The following NANOS1 variants were observed in gnomAD, a reference collection of about 807,000 sequenced individuals.
NANOS1 encodes nanos C2HC-type zinc finger 1, also known as nanos homolog 1.
A neutral mutation model predicts 1.1 loss-of-function variants in NANOS1; 1 was observed. The ratio of observed to expected loss-of-function variants is 0.88; its 90% CI spans 0.31 to 4.20. NANOS1 has a LOEUF of 4.20. NANOS1 is among the 30% of genes most tolerant of loss of function. The probability of loss-of-function intolerance (pLI) is 0.17; values close to 1 mark genes in which losing one functional copy is unlikely to be tolerated. For missense variants in NANOS1, 537 were observed against 457.9 expected, an observed-to-expected ratio of 1.17 and a Z score of -1.58; for synonymous variants, 252 against 230.6, an observed-to-expected ratio of 1.09 and a Z score of -0.84.
rs1848012698 is a variant in NANOS1, at chr10:119,029,816, C to T, written c.15C>T (p.Pro5=). The change falls in exon 1 of 1, where the codon CCC becomes CCT. Residue 5 remains proline (P), a synonymous_variant. Coordinates refer to ENST00000425699, the MANE Select transcript of NANOS1 (RefSeq NM_199461.4). The part of the protein sequence containing the change: MEAF[P]WAPRSPRRGR... ...GCAGCCCGCCCATGGAGGCTTTCCC[C>T]TGGGCGCCCCGCTCGCCCCGCCGCG... 5.2e-6 allele frequency: 6 copies of T among 1,145,754 alleles called. No homozygotes were observed. The highest frequency in any genetic ancestry group is 4.9e-5 in the Admixed American group (1 of 20,310). The allele number at this position is 1,145,754 out of a possible 1,614,324, so 71.0% of individuals were successfully genotyped here. A position where few individuals can be genotyped will look rare whatever the true frequency, so the allele number is the denominator to read the frequency against.
At position 119,030,704 on chromosome 10, in the gene NANOS1, G is replaced by A. The variant is rs1848034289; in HGVS notation, c.*24G>A. On this transcript the variant is annotated 3_prime_UTR_variant, in exon 1 of 1. Coordinates refer to ENST00000425699, the MANE Select transcript of NANOS1 (RefSeq NM_199461.4). The surrounding 1 kb of genome is among the most constrained non-coding windows in gnomAD (Gnocchi z 5.3). Reference sequence around the variant, plus strand: ...GAAGGCCCGGGCTCCCGGCCGCCCAGGGTCGCCGCCGCCCCTCGCACCGCT... The same window carrying A: ...GAAGGCCCGGGCTCCCGGCCGCCCAAGGTCGCCGCCGCCCCTCGCACCGCT... 3 of 1,277,300 alleles carry A rather than the reference G, an allele frequency of 2.3e-6. No homozygotes were observed. Among genetic ancestry groups the A allele is most frequent in the African/African-American group, 1.6e-5 (1 of 63,844 alleles). The allele number at this position is 1,277,300 out of a possible 1,614,324, so 79.1% of individuals were successfully genotyped here.
In NANOS1 at chr10:119,029,744, C is replaced by G. The variant is rs531320758; in HGVS notation, c.-58C>G. ...AGGCCGGCGGGCAGGCTCGGCGTGTCCCTTCCGTCCGGCCCGCGCCGGCGG... is the reference window on the plus strand; with the variant it reads ...AGGCCGGCGGGCAGGCTCGGCGTGTGCCTTCCGTCCGGCCCGCGCCGGCGG... On this transcript the variant is annotated 5_prime_UTR_variant, in exon 1 of 1. Transcript: ENST00000425699. The G allele has an allele frequency of 1.7e-5, 16 of 930,182 alleles. No homozygotes were observed. The highest frequency in any genetic ancestry group is 1.9e-5 in the Non-Finnish European group (15 of 782,432). The allele number at this position is 930,182 out of a possible 1,614,324, so 57.6% of individuals were successfully genotyped here.
chr10:119,030,015 G>T lies in NANOS1; in HGVS notation c.214G>T (p.Gly72Cys). 7.1e-7 allele frequency: 1 copy of T among 1,403,892 alleles called. No individual in the cohort carries two copies. Among genetic ancestry groups the T allele is most frequent in the Non-Finnish European group, 9.3e-7 (1 of 1,078,028 alleles). 87.0% of individuals were successfully genotyped at this position (1,403,892 alleles called of 1,614,324 possible). The change falls in exon 1 of 1, where the codon GGC becomes TGC. Residue 72 changes from glycine (G) to cysteine (C), a missense_variant. By Grantham distance (159) the Gly-to-Cys change is radical. Coordinates refer to ENST00000425699, the MANE Select transcript of NANOS1 (RefSeq NM_199461.4). The surrounding 1 kb of genome is among the most constrained non-coding windows in gnomAD (Gnocchi z 5.3). ...CGGCTGCGCCCGCGGTGGGAACGGCGGCGGCGGCTCCCCGCCCTCCTCCTC... is the reference window on the plus strand; with the variant it reads ...CGGCTGCGCCCGCGGTGGGAACGGCTGCGGCGGCTCCCCGCCCTCCTCCTC... Reference protein sequence around the residue: ...RFGCARGGNGGGGSPPSSSSS... With the variant: ...RFGCARGGNGCGGSPPSSSSS...
Position 119,031,620 on chromosome 10 carries a change from G to C in NANOS1, c.*940G>C, listed in dbSNP as rs561388636. The C allele has an allele frequency of 6.0e-6, 1 of 166,790 alleles. No homozygotes were observed. The highest frequency in any genetic ancestry group is 6.5e-5 in the Admixed American group (1 of 15,298). The allele number at this position is 166,790 out of a possible 1,614,324, so 10.3% of individuals were successfully genotyped here. A position where few individuals can be genotyped will look rare whatever the true frequency, so the allele number is the denominator to read the frequency against. On this transcript the variant is annotated 3_prime_UTR_variant, in exon 1 of 1. Transcript: ENST00000425699. Reference sequence around the variant, plus strand: ...GATATTAAGATCAAAGGGAGGAAGGGAAGACAGCAGTATTAATTCACCCTA... The same window carrying C: ...GATATTAAGATCAAAGGGAGGAAGGCAAGACAGCAGTATTAATTCACCCTA...
Position 119,033,679 on chromosome 10 carries a change from AGATTT to A in NANOS1, c.*3005_*3009del, listed in dbSNP as rs918212239. On this transcript the variant is annotated 3_prime_UTR_variant, in exon 1 of 1. Transcript: ENST00000425699. ...CTTTGATGAGAACAACTTTTGTCAT[AGATTT>A]GATTTATTAAACCAAAATTATACAT... 4.8e-5 allele frequency: 8 copies of A among 166,588 alleles called. No individual in the cohort carries two copies. The highest frequency in any genetic ancestry group is 2.1e-4 in the South Asian group (1 of 4,834). The allele number at this position is 166,588 out of a possible 1,614,324, so 10.3% of individuals were successfully genotyped here.
Position 119,032,471 on chromosome 10 carries a change from C to A in NANOS1, c.*1791C>A, listed in dbSNP as rs537491266. ...ACCATGTAATTACTTGTTCTCCTTT[C>A]TTTTGCTATAGAAAATCTACCAGTT... On this transcript the variant is annotated 3_prime_UTR_variant, in exon 1 of 1. Coordinates refer to ENST00000425699, the MANE Select transcript of NANOS1 (RefSeq NM_199461.4). 3.6e-5 allele frequency: 6 copies of A among 167,212 alleles called. No individual in the cohort carries two copies. The East Asian group carries it at 9.6e-4, about 27-fold the overall frequency. 10.4% of individuals were successfully genotyped at this position (167,212 alleles called of 1,614,324 possible). A position where few individuals can be genotyped will look rare whatever the true frequency, so the allele number is the denominator to read the frequency against.
Position 119,030,765 on chromosome 10 carries a change from G to C in NANOS1, c.*85G>C. On this transcript the variant is annotated 3_prime_UTR_variant, in exon 1 of 1. Coordinates refer to ENST00000425699, the MANE Select transcript of NANOS1 (RefSeq NM_199461.4). The surrounding 1 kb of genome is among the most constrained non-coding windows in gnomAD (Gnocchi z 5.3). Reference sequence around the variant, plus strand: ...ACCATCTCGCCCCCGCCGTGGGGAGGCGTGCGGCTCAGCGGTCGGCTCGAC... The same window carrying C: ...ACCATCTCGCCCCCGCCGTGGGGAGCCGTGCGGCTCAGCGGTCGGCTCGAC... 3.2e-6 allele frequency: 4 copies of C among 1,240,954 alleles called. No individual in the cohort carries two copies. Among genetic ancestry groups the C allele is most frequent in the Non-Finnish European group, 3.0e-6 (3 of 986,784 alleles). 76.9% of individuals were successfully genotyped at this position (1,240,954 alleles called of 1,614,324 possible).
chr10:119,033,509 G>A lies in NANOS1; in HGVS notation c.*2829G>A, dbSNP rs1294339329. The A allele has an allele frequency of 6.0e-6, 1 of 167,086 alleles. No individual in the cohort carries two copies. Among genetic ancestry groups the A allele is most frequent in the Non-Finnish European group, 1.5e-5 (1 of 68,118 alleles). The allele number at this position is 167,086 out of a possible 1,614,324, so 10.4% of individuals were successfully genotyped here. A position where few individuals can be genotyped will look rare whatever the true frequency, so the allele number is the denominator to read the frequency against. On this transcript the variant is annotated 3_prime_UTR_variant, in exon 1 of 1. Coordinates refer to ENST00000425699, the MANE Select transcript of NANOS1 (RefSeq NM_199461.4). ...TAGTAGCAAAACAATACAGGGAAGA[G>A]TCAAAAGGGCTTCTCCAACTGTAGA... is the stretch of plus-strand genomic sequence containing the variant.
chr10:119,030,389 CGCGGCCTCCGGGGCG>C lies in NANOS1; in HGVS notation c.595_609del (p.Ser199_Ala203del). 1 of 1,254,086 alleles carries C rather than the reference CGCGGCCTCCGGGGCG, an allele frequency of 8.0e-7. No individual in the cohort carries two copies. The highest frequency in any genetic ancestry group is 2.5e-5 in the South Asian group (1 of 39,856). The allele number at this position is 1,254,086 out of a possible 1,614,324, so 77.7% of individuals were successfully genotyped here. On this transcript the variant is annotated inframe_deletion, in exon 1 of 1. Coordinates refer to ENST00000425699, the MANE Select transcript of NANOS1 (RefSeq NM_199461.4). The surrounding 1 kb of genome is among the most constrained non-coding windows in gnomAD (Gnocchi z 5.3). ...CGTGGGCGGCCGAGCCCCGGCTGCA[CGCGGCCTCCGGGGCG>C]GCGGCCGCCCGGCTGCTGAAGCCCG...
At position 119,031,765 on chromosome 10, in the gene NANOS1, G is replaced by A. The variant is rs541847530; in HGVS notation, c.*1085G>A. 11 of 167,148 alleles carry A rather than the reference G, an allele frequency of 6.6e-5. No homozygotes were observed. The Middle Eastern group carries it at 0.01, about 154-fold the overall frequency. 10.4% of individuals were successfully genotyped at this position (167,148 alleles called of 1,614,324 possible). ...CGTGTATTAACTCGTATTCAAGAAG[G>A]TTCCACCGTGGGCTGCGTCTGACTT... On this transcript the variant is annotated 3_prime_UTR_variant, in exon 1 of 1. Transcript: ENST00000425699.
rs1405706324 is a variant in NANOS1 at position 119,031,295 on chromosome 10, C to G, written c.*615C>G. ...TATTAATTTGGGCGGGTATTCCCCG[C>G]TTGTGGCTTGTTTCTGTCCTAGCTG... On this transcript the variant is annotated 3_prime_UTR_variant, in exon 1 of 1. Transcript: ENST00000425699. 1.8e-5 allele frequency: 3 copies of G among 167,106 alleles called. No homozygotes were observed. The highest frequency in any genetic ancestry group is 4.4e-5 in the Non-Finnish European group (3 of 68,120). The allele number at this position is 167,106 out of a possible 1,614,324, so 10.4% of individuals were successfully genotyped here.
In NANOS1 at chr10:119,031,479, A is replaced by T. The variant is rs890796891; in HGVS notation, c.*799A>T. ...GTATAACTTGGAAATGGTGCTGTTT[A>T]AAAAAATTGTGTATTTATACAGTAA... On this transcript the variant is annotated 3_prime_UTR_variant, in exon 1 of 1. Transcript: ENST00000425699. 19 of 166,890 alleles carry T rather than the reference A, an allele frequency of 1.1e-4. No individual in the cohort carries two copies. The highest frequency in any genetic ancestry group is 3.6e-4 in the African/African-American group (15 of 41,278). The allele number at this position is 166,890 out of a possible 1,614,324, so 10.3% of individuals were successfully genotyped here.
In NANOS1 at chr10:119,029,842, G is replaced by GCCGCGC. The variant is rs1848013473; in HGVS notation, c.44_49dup (p.Arg15_Ala16dup). ...TGGGCGCCCCGCTCGCCCCGCCGCG[G>GCCGCGC]CCGCGCCCCCCCGCCCATGGCGCTC... On this transcript the variant is annotated inframe_insertion, in exon 1 of 1. Transcript: ENST00000425699. 3 of 1,204,778 alleles carry GCCGCGC rather than the reference G, an allele frequency of 2.5e-6. No individual in the cohort carries two copies. The highest frequency in any genetic ancestry group is 3.2e-5 in the African/African-American group (2 of 62,374). 74.6% of individuals were successfully genotyped at this position (1,204,778 alleles called of 1,614,324 possible). A position where few individuals can be genotyped will look rare whatever the true frequency, so the allele number is the denominator to read the frequency against.
rs1017221013 is a variant in NANOS1, at chr10:119,030,266, G to C, written c.465G>C (p.Ala155=). 4.9e-6 allele frequency: 6 copies of C among 1,233,388 alleles called. No individual in the cohort carries two copies. The highest frequency in any genetic ancestry group is 6.1e-6 in the Non-Finnish European group (6 of 990,010). The allele number at this position is 1,233,388 out of a possible 1,614,324, so 76.4% of individuals were successfully genotyped here. ...EERFAELSPF[A]GRAAAVLLGC... is the part of the protein sequence containing the mutation. ...GCTTCGCCGAGCTGAGCCCGTTCGC[G>C]GGTCGTGCCGCCGCCGTGCTGCTGG... Residue 155 remains alanine, a synonymous_variant, in exon 1 of 1, where the codon GCG becomes GCC. Coordinates refer to ENST00000425699, the MANE Select transcript of NANOS1 (RefSeq NM_199461.4). This position sits in a 1 kb window ranked among gnomAD's most constrained non-coding sequence, Gnocchi z 5.3.
Position 119,030,126 on chromosome 10 carries a change from G to A in NANOS1, c.325G>A (p.Asp109Asn). The A allele has an allele frequency of 7.5e-7, 1 of 1,341,952 alleles. No homozygotes were observed. The highest frequency in any genetic ancestry group is 1.5e-5 in the African/African-American group (1 of 65,422). 83.1% of individuals were successfully genotyped at this position (1,341,952 alleles called of 1,614,324 possible). Reference protein sequence around the residue: ...ALGPPDYDEDDDDDSDEPGSR... With the variant: ...ALGPPDYDEDNDDDSDEPGSR... ...GGGGCCGCCCGACTACGACGAGGACGACGACGACGACAGCGACGAGCCGGG... is the reference window on the plus strand; with the variant it reads ...GGGGCCGCCCGACTACGACGAGGACAACGACGACGACAGCGACGAGCCGGG... Residue 109 changes from aspartate to asparagine, a missense_variant, in exon 1 of 1, where the codon GAC (aspartate) becomes AAC (asparagine). Asp to Asn is a conservative substitution (Grantham distance 23). Transcript: ENST00000425699. The surrounding 1 kb of genome is among the most constrained non-coding windows in gnomAD (Gnocchi z 5.3).
chr10:119,030,222 G>T lies in NANOS1; in HGVS notation c.421G>T (p.Ala141Ser). Residue 141 changes from alanine (A) to serine (S), a missense_variant, in exon 1 of 1, where the codon GCC becomes TCC. Coordinates refer to ENST00000425699, the MANE Select transcript of NANOS1 (RefSeq NM_199461.4). The surrounding 1 kb of genome is among the most constrained non-coding windows in gnomAD (Gnocchi z 5.3). ...GGAGCTGTGCGCGGGCCCCGCCGAG[G>T]CCGGGCTGCTGGAGGAGCGCTTCGC... ...ALELCAGPAE[A>S]GLLEERFAEL... is the part of the protein sequence containing the mutation. 1 of 1,285,732 alleles carries T rather than the reference G, an allele frequency of 7.8e-7. No homozygotes were observed. The highest frequency in any genetic ancestry group is 2.6e-5 in the South Asian group (1 of 38,230). 79.6% of individuals were successfully genotyped at this position (1,285,732 alleles called of 1,614,324 possible).
Position 119,030,067 on chromosome 10 carries a change from C to G in NANOS1, c.266C>G (p.Thr89Arg). ...TCGTCGTCCTGCTGCTCCCCCCACA[C>G]GGGGGCCGGGCCTGGGGCGCTGGGG... is the stretch of plus-strand genomic sequence containing the variant. ...SSSSSCCSPHTGAGPGALGPA... is the reference protein window; with the variant it reads ...SSSSSCCSPHRGAGPGALGPA... The change falls in exon 1 of 1, where the codon ACG (threonine) becomes AGG (arginine). Residue 89 changes from threonine (T) to arginine (R), a missense_variant. Physicochemically the swap from Thr to Arg is moderately conservative, Grantham distance 71. Transcript: ENST00000425699. The surrounding 1 kb of genome is among the most constrained non-coding windows in gnomAD (Gnocchi z 5.3). The G allele has an allele frequency of 7.6e-7, 1 of 1,323,818 alleles. No individual in the cohort carries two copies. 82.0% of individuals were successfully genotyped at this position (1,323,818 alleles called of 1,614,324 possible).
At position 119,029,785 on chromosome 10, in the gene NANOS1, C is replaced by T; in HGVS notation, c.-17C>T. On this transcript the variant is annotated 5_prime_UTR_variant, in exon 1 of 1. Coordinates refer to ENST00000425699, the MANE Select transcript of NANOS1 (RefSeq NM_199461.4). ...GCGCCGGCGGCGGGGAGGCGGCGCG[C>T]GGCCCGCAGCCCGCCCATGGAGGCT... The T allele has an allele frequency of 1.0e-6, 1 of 999,160 alleles. No individual in the cohort carries two copies. The highest frequency in any genetic ancestry group is 1.2e-6 in the Non-Finnish European group (1 of 840,362). 61.9% of individuals were successfully genotyped at this position (999,160 alleles called of 1,614,324 possible).
In NANOS1 at chr10:119,031,495, T is replaced by C. The variant is rs1281540249; in HGVS notation, c.*815T>C. Reference sequence around the variant, plus strand: ...GTGCTGTTTAAAAAAATTGTGTATTTATACAGTAACAGTATGAATTCATTA... The same window carrying C: ...GTGCTGTTTAAAAAAATTGTGTATTCATACAGTAACAGTATGAATTCATTA... On this transcript the variant is annotated 3_prime_UTR_variant, in exon 1 of 1. Coordinates refer to ENST00000425699, the MANE Select transcript of NANOS1 (RefSeq NM_199461.4). 1.8e-5 allele frequency: 3 copies of C among 167,118 alleles called. No homozygotes were observed. The highest frequency in any genetic ancestry group is 7.2e-5 in the African/African-American group (3 of 41,468). The allele number at this position is 167,118 out of a possible 1,614,324, so 10.4% of individuals were successfully genotyped here. A position where few individuals can be genotyped will look rare whatever the true frequency, so the allele number is the denominator to read the frequency against.
Sources: allele counts gnomAD v4.1 joint callset, GRCh38; gene constraint gnomAD v4.1.1; non-coding constraint Gnocchi (gnomAD v3.1); transcripts MANE v1.5; gene names NCBI Gene and HGNC (gene_info 2026-07-23, HGNC 2026-07-21).